The following TUSC3 variants were observed in gnomAD, a reference collection of about 807,000 sequenced individuals.
The protein encoded by TUSC3 is dolichyl-diphosphooligosaccharide--protein glycosyltransferase subunit TUSC3.
TUSC3 carries 45 observed loss-of-function variants against 44.8 expected under a neutral mutation model. The observed-to-expected ratio is 1.00, with a 90% CI of 0.79 to 1.29. The LOEUF (loss-of-function observed/expected upper bound fraction) is 1.29. Ranked by LOEUF, TUSC3 falls within the 50% of genes most tolerant of loss-of-function variation. TUSC3 has a pLI of 0.00. For synonymous variants in TUSC3, 212 were observed against 152.9 expected (o/e 1.39, Z -2.85); for missense variants, 519 against 437.9 (o/e 1.19, Z -1.65).
the TUSC3 span, among the ~76,000 whole-genome samples, chr8:15,829,326 G>A: frequency 6.6e-6 from 1 of 152,150 alleles, no homozygotes; most frequent in East Asian, 1.9e-4. Flanking sequence ...CTGCGATTAT[G>A]TATACTTTTA....
chr8:15,631,184 A>C lies in TUSC3; in HGVS notation c.308+7935A>C, dbSNP rs566346379. Among the ~76,000 whole-genome samples, 6 of 152,266 alleles carry C rather than the reference A, an allele frequency of 3.9e-5. No individual in the cohort carries two copies. In the South Asian group the frequency reaches 1.2e-3, roughly 32 times the overall value. ...TTCAGGCTTGAGTGAATCCATGACC[A>C]GTTTGGTATAAATGATGCCCTCAAG... On this transcript the variant is annotated intron_variant, in intron 2 of 10. Coordinates refer to ENST00000503731, the MANE Select transcript of TUSC3 (RefSeq NM_006765.4).
intron 1 of TUSC3, among the ~76,000 whole-genome samples, chr8:15,546,258 C>G (rs1801860018): frequency 6.6e-6 from 1 of 151,764 alleles, no homozygotes; most frequent in African/African-American, 2.4e-5. Context: ...CCACATCTGG[C>G]CCATGTGTTT....
At chr8:15,677,542 T>C (rs1365629341) in intron 6 of TUSC3, among the ~76,000 whole-genome samples, 1 of 152,244 alleles carries the variant, frequency 6.6e-6, no homozygotes, top group African/African-American at 2.4e-5. Context: ...CTCTCTGTTC[T>C]TCTTCTGTAA....
intron 2 of TUSC3, among the ~76,000 whole-genome samples, chr8:15,485,994 A>G (rs556435886): frequency 2.0e-5 from 3 of 152,092 alleles, no homozygotes; most frequent in South Asian, 2.1e-4. Flanking sequence ...GGGTTTCGCC[A>G]TGTTGGGCAG....
At chr8:15,561,768 C>T (rs1310056588) in intron 1 of TUSC3, 3 of 142,202 alleles carry the variant, frequency 2.1e-5, no homozygotes, top group African/African-American at 7.7e-5. Context: ...CCCGATTTTC[C>T]AGGTGCCGTC....
At chr8:15,583,239 A>G (rs1262971473) in intron 1 of TUSC3, among the ~76,000 whole-genome samples, 2 of 152,210 alleles carry the variant, frequency 1.3e-5, no homozygotes, top group Non-Finnish European at 2.9e-5. Context: ...TAAGACATTA[A>G]ACATTTAATA....
chr8:15,524,056 CAAA>C (rs35388650), intron 2 of TUSC3, among the ~76,000 whole-genome samples: 1 of 135,726 alleles, frequency 7.4e-6, no homozygotes, highest in Non-Finnish European at 1.6e-5. Context: ...GACTCCGTCT[CAAA>C]AAAAAAAAAA....
intron 6 of TUSC3, among the ~76,000 whole-genome samples, chr8:15,682,497 G>T (rs889319936): frequency 5.3e-5 from 8 of 151,906 alleles, no homozygotes; most frequent in Non-Finnish European, 1.2e-4. Flanking sequence ...GCTCTGTTTG[G>T]TTTTTCATTT....
intron 1 of TUSC3, among the ~76,000 whole-genome samples, chr8:15,554,600 A>ATTTTT (rs376264004): frequency 4.5e-5 from 5 of 111,654 alleles, no homozygotes; most frequent in African/African-American, 6.6e-5. Flanking sequence ...TTTTACTATA[A>ATTTTT]TTTTTTTTTT....
chr8:15,489,848 A>T (rs1284262743), intron 2 of TUSC3, among the ~76,000 whole-genome samples: 1 of 152,222 alleles, frequency 6.6e-6, no homozygotes, highest in Non-Finnish European at 1.5e-5. Flanking sequence ...GGGTCCATTC[A>T]GTCCCTTGGG....
At chr8:15,472,582 G>A (rs968956619) in intron 1 of TUSC3, among the ~76,000 whole-genome samples, 5 of 152,192 alleles carry the variant, frequency 3.3e-5, no homozygotes, top group African/African-American at 9.6e-5. Flanking sequence ...TTAGTTCAGA[G>A]TGGGACATCA....
chr8:15,555,996 T>G (rs1350159899), intron 1 of TUSC3, among the ~76,000 whole-genome samples: 1 of 151,124 alleles, frequency 6.6e-6, no homozygotes, highest in African/African-American at 2.4e-5. Flanking sequence ...ATTTTTTATT[T>G]TTTTATTTTT....
At chr8:15,699,188 C>T (rs181425203) in intron 6 of TUSC3, among the ~76,000 whole-genome samples, 1 of 152,230 alleles carries the variant, frequency 6.6e-6, no homozygotes, top group Admixed American at 6.5e-5. Flanking sequence ...TTTAAAAATA[C>T]ACTGTAAATA....
intron 2 of TUSC3, among the ~76,000 whole-genome samples, chr8:15,504,095 A>T (rs1309922367): frequency 6.6e-6 from 1 of 152,158 alleles, no homozygotes; most frequent in African/African-American, 2.4e-5. Context: ...GACTAGAGTC[A>T]AATGAGGCAC....
intron 6 of TUSC3, among the ~76,000 whole-genome samples, chr8:15,674,802 A>G (rs147077264): frequency 6.6e-6 from 1 of 152,116 alleles, no homozygotes; most frequent in African/African-American, 2.4e-5. Context: ...AAAATCTGGC[A>G]TTATTTAGAA....
chr8:15,637,291 T>G (rs1298534443), intron 2 of TUSC3, among the ~76,000 whole-genome samples: 1 of 152,194 alleles, frequency 6.6e-6, no homozygotes, highest in African/African-American at 2.4e-5. Context: ...CTTAATGTCC[T>G]TTATTTATTT....
At chr8:15,603,688 A>AAC (rs570673987) in intron 1 of TUSC3, among the ~76,000 whole-genome samples, 178 of 151,776 alleles carry the variant, frequency 1.2e-3, no homozygotes, top group African/African-American at 4.1e-3. Flanking sequence ...AATGATGATG[A>AAC]ACATGAACTG....
intron 6 of TUSC3, among the ~76,000 whole-genome samples, chr8:15,677,366 C>T (rs1288353288): frequency 3.3e-5 from 5 of 152,126 alleles, no homozygotes; most frequent in Non-Finnish European, 7.4e-5. Flanking sequence ...TATATGCTTA[C>T]AAAGAGATTT....
At chr8:15,634,866 A>G (rs1563145444) in intron 2 of TUSC3, among the ~76,000 whole-genome samples, 1 of 152,184 alleles carries the variant, frequency 6.6e-6, no homozygotes, top group Non-Finnish European at 1.5e-5. Context: ...AGTATGAGAG[A>G]TATAAGGGCA....
Sources: allele counts gnomAD v4.1 joint callset (sites outside exome capture counted in the v4.1 genomes callset), GRCh38; gene constraint gnomAD v4.1.1; transcripts MANE v1.5; gene names NCBI Gene and HGNC (gene_info 2026-07-23, HGNC 2026-07-21).